Variants in BICD1 observed in about 807,000 individuals in gnomAD.
The protein encoded by BICD1 is BICD cargo adaptor 1.
In BICD1, 35 loss-of-function variants were observed where a neutral mutation model predicts 92.5. The ratio of observed to expected loss-of-function variants is 0.38; its 90% CI spans 0.29 to 0.50. The LOEUF is 0.50. BICD1 is among the 20% of genes least tolerant of loss of function. The pLI, the probability that BICD1 is intolerant of heterozygous loss-of-function variation, is 0.93. For synonymous variants in BICD1, 429 were observed against 465.1 expected, an observed-to-expected ratio of 0.92 and a Z score of 1.00; for missense variants, 950 against 1,189.8, an observed-to-expected ratio of 0.80 and a Z score of 2.97.
chr12:32,238,302 G>A (rs1946133272), intron 2 of BICD1, among the ~76,000 whole-genome samples: 1 of 152,144 alleles, frequency 6.6e-6, no homozygotes, highest in Non-Finnish European at 1.5e-5. Context: ...AATAGCAAGA[G>A]AACTAGCATT....
Position 32,351,265 on chromosome 12 carries a change from C to T in BICD1, c.2764+12286C>T, listed in dbSNP as rs1474608908. On this transcript the variant is annotated intron_variant, in intron 8 of 9. Transcript: ENST00000652176. ...CTTTGGGAAGCCGAGGTGGGCGGATCGCTTGAGGTCAGGAGTTCAAGAGCA... is the reference window on the plus strand; with the variant it reads ...CTTTGGGAAGCCGAGGTGGGCGGATTGCTTGAGGTCAGGAGTTCAAGAGCA... 5.3e-5 allele frequency among the ~76,000 whole-genome samples: 8 copies of T among 150,570 alleles called. No individual in the cohort carries two copies. In the South Asian group the frequency reaches 8.4e-4, roughly 16 times the overall value.
intron 2 of BICD1, among the ~76,000 whole-genome samples, chr12:32,271,243 C>T (rs1000815255): frequency 1.3e-5 from 2 of 152,178 alleles, no homozygotes; most frequent in Non-Finnish European, 2.9e-5. Context: ...GCTATGGCCC[C>T]TTAGTTCTGT....
chr12:32,140,922 AT>A (rs1017478952), intron 1 of BICD1, among the ~76,000 whole-genome samples: 2 of 152,134 alleles, frequency 1.3e-5, no homozygotes, highest in African/African-American at 2.4e-5. Context: ...GGAAACCCGG[AT>A]TTTTTTGTTG....
intron 2 of BICD1, among the ~76,000 whole-genome samples, chr12:32,243,877 T>C (rs1409058379): frequency 1.3e-5 from 2 of 152,234 alleles, no homozygotes; most frequent in Non-Finnish European, 2.9e-5. Flanking sequence ...TTTAGTTTGA[T>C]GTGTGGAACA....
Position 32,377,762 on chromosome 12 carries a change from CGAGA to C in BICD1, c.*138_*141del, listed in dbSNP as rs1940034333. The C allele has an allele frequency of 6.6e-6, 5 of 762,820 alleles. No homozygotes were observed. Among genetic ancestry groups the C allele is most frequent in the Non-Finnish European group, 6.5e-6 (3 of 463,708 alleles). 47.3% of individuals were successfully genotyped at this position (762,820 alleles called of 1,614,324 possible). ...GATTAATGTCCATCGTTTTGGAAGACGAGAGAAAGTTGAGAAGAACACGAAGCAC... is the reference window on the plus strand; with the variant it reads ...GATTAATGTCCATCGTTTTGGAAGACGAAAGTTGAGAAGAACACGAAGCAC... On this transcript the variant is annotated 3_prime_UTR_variant, in exon 10 of 10. Transcript: ENST00000652176.
chr12:32,305,027 A>AATC (rs1555165965), intron 3 of BICD1, among the ~76,000 whole-genome samples: 1 of 151,958 alleles, frequency 6.6e-6, no homozygotes, highest in African/African-American at 2.4e-5. Flanking sequence ...CTCTCAAAAC[A>AATC]AACCAACCAA....
At chr12:32,312,943 T>C (rs1028565410) in intron 4 of BICD1, among the ~76,000 whole-genome samples, 7 of 152,224 alleles carry the variant, frequency 4.6e-5, no homozygotes, top group East Asian at 1.9e-4. Flanking sequence ...TCAAATACCT[T>C]AATTAGTTTT....
At chr12:32,229,728 G>A (rs1440956595) in intron 2 of BICD1, among the ~76,000 whole-genome samples, 1 of 152,148 alleles carries the variant, frequency 6.6e-6, no homozygotes, top group Non-Finnish European at 1.5e-5. Flanking sequence ...TTGCAAATAG[G>A]ACCAAAGAAA....
chr12:32,216,186 C>CTT, intron 1 of BICD1, 61 bp from the exon 2 acceptor site: 1 of 1,544,718 alleles, frequency 6.5e-7, no homozygotes. Flanking sequence ...TTTCCCAAGT[C>CTT]TTAAAAGAGG....
intron 8 of BICD1, among the ~76,000 whole-genome samples, chr12:32,362,067 T>C (rs934417414): frequency 1.9e-4 from 29 of 152,098 alleles, no homozygotes; most frequent in South Asian, 2.1e-4. Context: ...TTTTAGAAAA[T>C]TGGGTAGTTT....
chr12:32,182,104 G>C (rs1944286944), intron 1 of BICD1, among the ~76,000 whole-genome samples: 1 of 151,776 alleles, frequency 6.6e-6, no homozygotes. Context: ...AGAATTTAAA[G>C]AATATCAATG....
At chr12:32,318,324 T>C (rs1174904111) in intron 4 of BICD1, among the ~76,000 whole-genome samples, 1 of 152,192 alleles carries the variant, frequency 6.6e-6, no homozygotes, top group Non-Finnish European at 1.5e-5. Flanking sequence ...TTTAACGATA[T>C]TGATTCTTCC....
intron 8 of BICD1, among the ~76,000 whole-genome samples, chr12:32,346,922 G>A (rs1231672141): frequency 1.3e-5 from 2 of 148,222 alleles, no homozygotes; most frequent in Non-Finnish European, 3.0e-5. Context: ...ATTTAAGATG[G>A]CATGTATTTC....
intron 8 of BICD1, among the ~76,000 whole-genome samples, chr12:32,364,363 C>T (rs976705338): frequency 2.6e-5 from 4 of 152,130 alleles, no homozygotes; most frequent in Non-Finnish European, 2.9e-5. Flanking sequence ...GGAGATCACT[C>T]AGAGCCTGCA....
intron 2 of BICD1, among the ~76,000 whole-genome samples, chr12:32,220,547 C>T (rs561559192): frequency 0.058 from 8,769 of 150,986 alleles, 768 homozygotes; most frequent in African/African-American, 0.2. Context: ...CAATGAGATA[C>T]CATCTCACAC....
intron 8 of BICD1, 143 bp from the exon 9 acceptor site, chr12:32,367,526 GA>G (rs374745164): frequency 0.057 from 27,366 of 480,972 alleles, 8 homozygotes; most frequent in East Asian, 0.092. Context: ...CATTCAAGAA[GA>G]AAAAAAAAAA....
At chr12:32,228,223 G>A (rs1264221756) in intron 2 of BICD1, 1 of 153,060 alleles carries the variant, frequency 6.5e-6, no homozygotes, top group East Asian at 1.9e-4. Flanking sequence ...TAAAGGAGTT[G>A]GTTTAGATTG....
At chr12:32,255,014 C>T (rs946096835) in intron 2 of BICD1, among the ~76,000 whole-genome samples, 2 of 151,996 alleles carry the variant, frequency 1.3e-5, no homozygotes, top group Non-Finnish European at 2.9e-5. Context: ...GACCAGGTGG[C>T]CCAAACAACA....
intron 1 of BICD1, among the ~76,000 whole-genome samples, chr12:32,147,419 G>A (rs1273297718): frequency 6.6e-6 from 1 of 152,128 alleles, no homozygotes; most frequent in Non-Finnish European, 1.5e-5. Context: ...TCCCTTAGCC[G>A]TCATTTTGGA....
Sources: gnomAD v4.1 joint callset for allele counts (sites outside exome capture counted in the v4.1 genomes callset) on GRCh38, gnomAD v4.1.1 for gene constraint, MANE v1.5 for transcripts, NCBI Gene and HGNC (gene_info 2026-07-23, HGNC 2026-07-21) for gene names.